UBE2O: variants seen among roughly 807,000 people sequenced by gnomAD.
UBE2O encodes (E3-independent) E2 ubiquitin-conjugating enzyme.
A neutral mutation model predicts 125.8 loss-of-function variants in UBE2O; 15 were observed. That is an observed-to-expected ratio of 0.12 (90% CI 0.08 to 0.18). The LOEUF (loss-of-function observed/expected upper bound fraction) is 0.18. UBE2O is among the 10% of genes least tolerant of loss of function. UBE2O has a pLI of 1.00. For synonymous variants in UBE2O, 708 were observed against 703.2 expected (o/e 1.01, Z -0.11); for missense variants, 1,280 against 1,723.6 (o/e 0.74, Z 4.56).
At chr17:76,393,965 A>G (rs1431436286) in intron 15 of UBE2O, among the ~76,000 whole-genome samples, 2 of 152,244 alleles carry the variant, frequency 1.3e-5, no homozygotes, top group African/African-American at 2.4e-5. Context: ...GATGTGGGGA[A>G]AACAGAACAA....
chr17:76,406,978 G>A (rs560466070), intron 1 of UBE2O, among the ~76,000 whole-genome samples: 12 of 152,232 alleles, frequency 7.9e-5, no homozygotes, highest in Middle Eastern at 3.4e-3. Flanking sequence ...GATTACAGGC[G>A]TGAGCCACTG....
chr17:76,440,413 G>A (rs548616958), intron 1 of UBE2O, among the ~76,000 whole-genome samples: 8 of 152,176 alleles, frequency 5.3e-5, no homozygotes, highest in African/African-American at 9.6e-5. Flanking sequence ...TTGCCACCTC[G>A]ACCGCCAGGA....
intron 15 of UBE2O, 60 bp from the exon 16 acceptor site, chr17:76,392,173 A>T: frequency 9.0e-7 from 1 of 1,109,316 alleles, no homozygotes. Flanking sequence ...GGTGTCCTAC[A>T]TGTGGCATCT....
In UBE2O at chr17:76,410,981, A is replaced by C. The variant is rs1408299138; in HGVS notation, c.418-5409T>G. 6.6e-6 allele frequency among the ~76,000 whole-genome samples: 1 copy of C among 151,842 alleles called. No homozygotes were observed. Among genetic ancestry groups the C allele is most frequent in the Non-Finnish European group, 1.5e-5 (1 of 67,954 alleles). ...TAGAAAACACAAACTGAGGCTGATC[A>C]ACATGTTGAAAATACAAAGACGCTA... On this transcript the variant is annotated intron_variant, in intron 1 of 17. Coordinates refer to ENST00000319380, the MANE Select transcript of UBE2O (RefSeq NM_022066.4). This position sits in a 1 kb window ranked among gnomAD's most constrained non-coding sequence, Gnocchi z 4.0.
At chr17:76,434,593 A>G (rs895828122) in intron 1 of UBE2O, among the ~76,000 whole-genome samples, 4 of 152,030 alleles carry the variant, frequency 2.6e-5, no homozygotes, top group Non-Finnish European at 5.9e-5. Flanking sequence ...AACCCACCTT[A>G]TATGGCCGTG....
chr17:76,401,890 A>C (rs2072332507), intron 5 of UBE2O, 174 bp downstream of exon 5: 1 of 441,610 alleles, frequency 2.3e-6, no homozygotes, highest in South Asian at 4.4e-5. Context: ...AAAAAAAAAA[A>C]AAAAAGTTCT....
chr17:76,400,546 T>C lies in UBE2O; in HGVS notation c.899A>G (p.Gln300Arg), dbSNP rs991825416. 3.6e-5 allele frequency: 58 copies of C among 1,610,110 alleles called. No individual in the cohort carries two copies. Among genetic ancestry groups the C allele is most frequent in the Non-Finnish European group, 4.8e-5 (56 of 1,177,950 alleles). ...SKFRVVVEEV[Q>R]VVELKVTWIT... The stretch of plus-strand genomic sequence containing the variant: ...CCATGTAACTTTCAACTCTACAACC[T>C]GCACCTGGGGATGGCAGGTGGGACA... Residue 300 changes from glutamine (Q) to arginine (R), a missense_variant, in exon 7 of 18, where the codon CAG becomes CGG. Around this residue, in one of 10 missense-constraint regions of UBE2O, gnomAD observed 206 missense variants for 315.7 expected, o/e 0.65. Transcript: ENST00000319380. This position sits in a 1 kb window ranked among gnomAD's most constrained non-coding sequence, Gnocchi z 4.3.
chr17:76,447,814 T>A (rs2073174815), intron 1 of UBE2O, among the ~76,000 whole-genome samples: 2 of 152,260 alleles, frequency 1.3e-5, no homozygotes, highest in South Asian at 2.1e-4. Flanking sequence ...AGGTGCCTCT[T>A]TGGTGCAGCA....
At chr17:76,393,667 G>T (rs535343577) in intron 15 of UBE2O, among the ~76,000 whole-genome samples, 2 of 152,198 alleles carry the variant, frequency 1.3e-5, no homozygotes, top group African/African-American at 2.4e-5. Context: ...GGGGAAGGGG[G>T]GATGGTCTCA....
rs1320741101 is a variant in UBE2O at position 76,390,846 on chromosome 17, G to C, written c.*97C>G. ...AAGAGGGCAGTGGGTTTGCAGTGGG[G>C]ACAGAGGGGCATGGGAAGAGGGGTG... On this transcript the variant is annotated 3_prime_UTR_variant, in exon 18 of 18. Transcript: ENST00000319380. 3.1e-6 allele frequency: 4 copies of C among 1,296,114 alleles called. No individual in the cohort carries two copies. In the East Asian group the frequency reaches 9.3e-5, roughly 30 times the overall value. The allele number at this position is 1,296,114 out of a possible 1,614,324, so 80.3% of individuals were successfully genotyped here.
In UBE2O at chr17:76,400,084, C is replaced by T; in HGVS notation, c.1155+63G>A. The T allele has an allele frequency of 6.4e-7, 1 of 1,574,266 alleles. No homozygotes were observed. ...CTAAAGCACAGACTGTCCTTCTTGG[C>T]CATGGAAATGGCTCAAGGCCAGTTC... is the stretch of plus-strand genomic sequence containing the variant. On this transcript the variant is annotated intron_variant, in intron 8 of 17. Coordinates refer to ENST00000319380, the MANE Select transcript of UBE2O (RefSeq NM_022066.4). This position sits in a 1 kb window ranked among gnomAD's most constrained non-coding sequence, Gnocchi z 4.3.
chr17:76,419,812 G>A (rs2072678013), intron 1 of UBE2O, among the ~76,000 whole-genome samples: 1 of 152,256 alleles, frequency 6.6e-6, no homozygotes, highest in African/African-American at 2.4e-5. Flanking sequence ...GATGCTCAGA[G>A]CTGTGACTAG....
chr17:76,432,602 G>A (rs1223267095), intron 1 of UBE2O, among the ~76,000 whole-genome samples: 1 of 152,070 alleles, frequency 6.6e-6, no homozygotes, highest in Non-Finnish European at 1.5e-5. Flanking sequence ...AATAGGAAAG[G>A]GGGTTAAATC....
intron 1 of UBE2O, among the ~76,000 whole-genome samples, chr17:76,414,682 G>C (rs2143772189): frequency 6.6e-6 from 1 of 152,384 alleles, no homozygotes; most frequent in East Asian, 1.9e-4. Context: ...CCGAGGGACA[G>C]AGAAAGGGGA....
In UBE2O at chr17:76,413,030, A is replaced by T. The variant is rs911513092; in HGVS notation, c.418-7458T>A. Among the ~76,000 whole-genome samples, 6 of 152,164 alleles carry T rather than the reference A, an allele frequency of 3.9e-5. No individual in the cohort carries two copies. The East Asian group carries it at 5.8e-4, about 15-fold the overall frequency. On this transcript the variant is annotated intron_variant, in intron 1 of 17. Coordinates refer to ENST00000319380, the MANE Select transcript of UBE2O (RefSeq NM_022066.4). ...GACTCTGTCTCAAAAACAAAACAAA[A>T]CAAAATGAAACAAAAAAACCCAACT...
chr17:76,452,903 CG>C lies in UBE2O; in HGVS notation c.238del (p.Arg80AlafsTer56). Reference protein sequence around the residue: ...YRGSVHFGLVRLIHGEDSDSE... With the variant: ...YRGSVHFGLVXLIHGEDSDSE... ...GTCCGAGTCCTCGCCGTGGATGAGG[CG>C]CACCAGCCCGAAGTGCACGGAGCCA... On this transcript the variant is annotated frameshift_variant, in exon 1 of 18. Coordinates refer to ENST00000319380, the MANE Select transcript of UBE2O (RefSeq NM_022066.4). LOFTEE classifies it high-confidence loss of function. This position sits in a 1 kb window ranked among gnomAD's most constrained non-coding sequence, Gnocchi z 4.4. 1 of 1,496,602 alleles carries C rather than the reference CG, an allele frequency of 6.7e-7. No individual in the cohort carries two copies. Among genetic ancestry groups the C allele is most frequent in the Non-Finnish European group, 8.9e-7 (1 of 1,122,158 alleles). The allele number at this position is 1,496,602 out of a possible 1,614,324, so 92.7% of individuals were successfully genotyped here. A position where few individuals can be genotyped will look rare whatever the true frequency, so the allele number is the denominator to read the frequency against.
chr17:76,397,936 C>T (rs369624493), intron 12 of UBE2O, 48 bp from the exon 13 acceptor site: 3 of 1,593,222 alleles, frequency 1.9e-6, no homozygotes, highest in African/African-American at 1.3e-5. Context: ...CAAGCTCCAG[C>T]TCCCCAGCCC....
At chr17:76,416,180 G>GTGTATA in intron 1 of UBE2O, among the ~76,000 whole-genome samples, 1 of 151,796 alleles carries the variant, frequency 6.6e-6, no homozygotes, top group South Asian at 2.1e-4. Context: ...ACGTGTGTGT[G>GTGTATA]TGTATATGTA....
Position 76,450,032 on chromosome 17 carries a change from C to G in UBE2O, c.417+2693G>C, listed in dbSNP as rs2073212111. Among the ~76,000 whole-genome samples the G allele has an allele frequency of 4.0e-5, 6 of 151,684 alleles. 1 individual carries two copies. The South Asian group carries it at 1.2e-3, about 32-fold the overall frequency. On this transcript the variant is annotated intron_variant, in intron 1 of 17. Coordinates refer to ENST00000319380, the MANE Select transcript of UBE2O (RefSeq NM_022066.4). ...TGTGAGACCAGGAATTCAAGGACAC[C>G]TGAGTAACAGTGAGACCCCATCCCA...
Sources: gnomAD v4.1 joint callset for allele counts (sites outside exome capture counted in the v4.1 genomes callset) on GRCh38, gnomAD v4.1.1 for gene constraint, gnomAD v4.1.1 regional missense constraint, Gnocchi (gnomAD v3.1) non-coding constraint, MANE v1.5 for transcripts, NCBI Gene and HGNC (gene_info 2026-07-23, HGNC 2026-07-21) for gene names.